The following KCNQ3 variants were observed in gnomAD, a reference collection of about 807,000 sequenced individuals.
The protein encoded by KCNQ3 is potassium voltage-gated channel subfamily KQT member 3.
A neutral mutation model predicts 92.5 loss-of-function variants in KCNQ3; 30 were observed. The observed-to-expected ratio is 0.32, with a 90% CI of 0.24 to 0.44. KCNQ3 has a LOEUF of 0.44. KCNQ3 is among the 20% of genes least tolerant of loss of function. KCNQ3 has a pLI of 1.00. For missense variants in KCNQ3, 913 were observed against 1,140.3 expected (o/e 0.80, Z 2.87); for synonymous variants, 450 against 468.8 (o/e 0.96, Z 0.52).
chr8:132,478,036 TGA>T (rs1822455789), intron 1 of KCNQ3, among the ~76,000 whole-genome samples: 3 of 152,316 alleles, frequency 2.0e-5, no homozygotes, highest in Non-Finnish European at 2.9e-5. Context: ...TAGTACTGTG[TGA>T]GGATTAAATA....
intron 1 of KCNQ3, among the ~76,000 whole-genome samples, chr8:132,196,624 T>G (rs969728357): frequency 6.6e-6 from 1 of 152,206 alleles, no homozygotes; most frequent in African/African-American, 2.4e-5. Flanking sequence ...GTTCTGCCAT[T>G]TACTCACTGT....
At chr8:132,447,217 C>T (rs968033348) in intron 1 of KCNQ3, 22 of 1,535,478 alleles carry the variant, frequency 1.4e-5, no homozygotes, top group Non-Finnish European at 9.6e-6. Context: ...GCGTGTTCTG[C>T]AGGCTTCATA....
chr8:132,252,758 C>G (rs143844561), intron 1 of KCNQ3, among the ~76,000 whole-genome samples: 44 of 152,310 alleles, frequency 2.9e-4, no homozygotes, highest in African/African-American at 1.0e-3. Flanking sequence ...AATCCTTTAA[C>G]TAGACACAGA....
At chr8:132,398,947 G>A (rs1820265512) in intron 1 of KCNQ3, among the ~76,000 whole-genome samples, 1 of 152,290 alleles carries the variant, frequency 6.6e-6, no homozygotes, top group South Asian at 2.1e-4. Context: ...GGCATCACAT[G>A]ACTTCTGACC....
At chr8:132,202,364 C>T (rs1005752107) in intron 1 of KCNQ3, among the ~76,000 whole-genome samples, 3 of 152,140 alleles carry the variant, frequency 2.0e-5, no homozygotes. Flanking sequence ...TTGATCACAC[C>T]TTTGGTATTC....
At chr8:132,399,180 G>C (rs1820271438) in intron 1 of KCNQ3, among the ~76,000 whole-genome samples, 1 of 152,142 alleles carries the variant, frequency 6.6e-6, no homozygotes, top group Admixed American at 6.5e-5. Flanking sequence ...TTGTTTTGCA[G>C]GTTCTTATTA....
Position 132,129,169 on chromosome 8 carries a change from T to C in KCNQ3, c.*93A>G, listed in dbSNP as rs1824767049. 2 of 1,463,014 alleles carry C rather than the reference T, an allele frequency of 1.4e-6. No homozygotes were observed. The highest frequency in any genetic ancestry group is 1.7e-5 in the Admixed American group (1 of 58,034). 90.6% of individuals were successfully genotyped at this position (1,463,014 alleles called of 1,614,324 possible). The stretch of plus-strand genomic sequence containing the variant: ...CACACGCATGCATTTGATGCAGCCA[T>C]TGGTGTCCCCGCTGGTAAGCGTCGG... On this transcript the variant is annotated 3_prime_UTR_variant, in exon 15 of 15. Transcript: ENST00000388996. The surrounding 1 kb of genome is among the most constrained non-coding windows in gnomAD (Gnocchi z 5.9).
At chr8:132,240,377 G>A (rs551950641) in intron 1 of KCNQ3, among the ~76,000 whole-genome samples, 2 of 152,128 alleles carry the variant, frequency 1.3e-5, no homozygotes, top group East Asian at 3.9e-4. Flanking sequence ...GTAGAGACTG[G>A]ATTTCTCCAT....
chr8:132,397,905 A>G (rs1464377006), intron 1 of KCNQ3, among the ~76,000 whole-genome samples: 2 of 152,214 alleles, frequency 1.3e-5, no homozygotes, highest in Non-Finnish European at 2.9e-5. Flanking sequence ...ATATCCATCT[A>G]TACAAAATCC....
chr8:132,374,748 G>T (rs1407062223), intron 1 of KCNQ3, among the ~76,000 whole-genome samples: 2 of 151,934 alleles, frequency 1.3e-5, no homozygotes, highest in Non-Finnish European at 2.9e-5. Context: ...TCATCATTTA[G>T]CTCCAACTTC....
chr8:132,171,474 T>C (rs1042334635), intron 7 of KCNQ3, among the ~76,000 whole-genome samples: 12 of 152,058 alleles, frequency 7.9e-5, no homozygotes, highest in Non-Finnish European at 1.5e-4. Context: ...CCCTCTGAAA[T>C]ATAAGAGGAA....
chr8:132,423,856 C>T (rs1821036271), intron 1 of KCNQ3, among the ~76,000 whole-genome samples: 1 of 152,142 alleles, frequency 6.6e-6, no homozygotes, highest in Non-Finnish European at 1.5e-5. Flanking sequence ...ACACAAGCAG[C>T]TCTGAAGGTG....
intron 1 of KCNQ3, among the ~76,000 whole-genome samples, chr8:132,250,296 G>A (rs1268069250): frequency 1.3e-5 from 2 of 152,196 alleles, no homozygotes; most frequent in African/African-American, 2.4e-5. Context: ...GGGACAAGGA[G>A]ACAAACAGAT....
intron 1 of KCNQ3, among the ~76,000 whole-genome samples, chr8:132,448,697 G>C (rs190229997): frequency 6.6e-6 from 1 of 152,096 alleles, no homozygotes; most frequent in South Asian, 2.1e-4. Flanking sequence ...TCCAACCCAC[G>C]ATCTGTGCCA....
chr8:132,439,467 C>T (rs1348704021), intron 1 of KCNQ3, among the ~76,000 whole-genome samples: 1 of 152,078 alleles, frequency 6.6e-6, no homozygotes, highest in Non-Finnish European at 1.5e-5. Context: ...TAAAGATATT[C>T]ATGTTTTAAC....
chr8:132,230,449 CAGAGAGAGAGAG>C (rs5895132), intron 1 of KCNQ3, among the ~76,000 whole-genome samples: 13 of 142,462 alleles, frequency 9.1e-5, no homozygotes, highest in Middle Eastern at 3.6e-3. Flanking sequence ...GAGAGAGAGA[CAGAGAGAGAGAG>C]AGAGAGAGAG....
At chr8:132,453,567 G>A (rs1321162363) in intron 1 of KCNQ3, among the ~76,000 whole-genome samples, 1 of 152,138 alleles carries the variant, frequency 6.6e-6, no homozygotes, top group African/African-American at 2.4e-5. Flanking sequence ...GGCGGGTGGT[G>A]TCCCTGAGTG....
intron 1 of KCNQ3, among the ~76,000 whole-genome samples, chr8:132,343,128 C>T (rs892724790): frequency 5.3e-5 from 8 of 152,246 alleles, no homozygotes; most frequent in African/African-American, 1.9e-4. Context: ...GGACTGCTCA[C>T]CTCTTCATTC....
chr8:132,294,101 C>T (rs777484718), intron 1 of KCNQ3, among the ~76,000 whole-genome samples: 8 of 148,248 alleles, frequency 5.4e-5, no homozygotes, highest in Admixed American at 1.4e-4. Flanking sequence ...CCCGGGTTCA[C>T]GCCATTCTCC....
Sources: allele counts gnomAD v4.1 joint callset (sites outside exome capture counted in the v4.1 genomes callset), GRCh38; gene constraint gnomAD v4.1.1; non-coding constraint Gnocchi (gnomAD v3.1); transcripts MANE v1.5; gene names NCBI Gene and HGNC (gene_info 2026-07-23, HGNC 2026-07-21).